Variants in SGCD observed in about 807,000 individuals in gnomAD.
The protein encoded by SGCD is delta-sarcoglycan.
Under a neutral mutation model 36.6 loss-of-function variants are expected in SGCD, and 18 were observed. That is an observed-to-expected ratio of 0.49 (90% CI 0.34 to 0.73). The LOEUF is 0.73. Among genes scored for constraint, SGCD ranks in the 30% least tolerant of loss-of-function variants. The pLI is 0.01. For missense variants in SGCD, 387 were observed against 346.7 expected (o/e 1.12, Z -0.92); for synonymous variants, 133 against 130.6 (o/e 1.02, Z -0.12).
At chr5:155,932,664 G>A (rs945625831) in intron 1 of SGCD, among the ~76,000 whole-genome samples, 16 of 152,026 alleles carry the variant, frequency 1.1e-4, no homozygotes, top group African/African-American at 3.1e-4. Context: ...TGTTTCACCC[G>A]TGTGATGAGA....
intron 1 of SGCD, among the ~76,000 whole-genome samples, chr5:156,078,809 C>G (rs1299355753): frequency 6.7e-6 from 1 of 149,762 alleles, no homozygotes; most frequent in African/African-American, 2.4e-5. Context: ...TGGAATCTAC[C>G]AATTTTATTC....
At chr5:155,768,308 A>T in the SGCD span, among the ~76,000 whole-genome samples, 1 of 150,916 alleles carries the variant, frequency 6.6e-6, no homozygotes. Flanking sequence ...TTTTTCCTAA[A>T]CTATTTTGAA....
At chr5:156,356,662 T>C (rs1769506766) in intron 3 of SGCD, among the ~76,000 whole-genome samples, 2 of 152,066 alleles carry the variant, frequency 1.3e-5, no homozygotes, top group South Asian at 2.1e-4. Context: ...TTGTAATGGA[T>C]TGAATAGTGC....
At chr5:155,968,705 G>T (rs1038479053) in intron 1 of SGCD, among the ~76,000 whole-genome samples, 1 of 152,008 alleles carries the variant, frequency 6.6e-6, no homozygotes, top group African/African-American at 2.4e-5. Context: ...CCTCAGATAA[G>T]GGGGGACTGC....
intron 2 of SGCD, among the ~76,000 whole-genome samples, chr5:156,332,619 G>A (rs1344858426): frequency 6.6e-6 from 1 of 152,182 alleles, no homozygotes; most frequent in African/African-American, 2.4e-5. Context: ...ATTAAGTTGT[G>A]GCTTCATTCT....
intron 7 of SGCD, among the ~76,000 whole-genome samples, chr5:156,664,404 C>G (rs1489272179): frequency 6.7e-6 from 1 of 149,668 alleles, no homozygotes; most frequent in East Asian, 1.9e-4. Flanking sequence ...CATCTTGGAG[C>G]CTTGCCACAA....
At chr5:156,332,901 C>T (rs1004116104) in intron 2 of SGCD, among the ~76,000 whole-genome samples, 1 of 152,196 alleles carries the variant, frequency 6.6e-6, no homozygotes, top group Non-Finnish European at 1.5e-5. Context: ...ATTTGTAAAA[C>T]TCATTGGGCT....
chr5:156,217,174 A>C, intron 3 of SGCD, among the ~76,000 whole-genome samples: 1 of 152,238 alleles, frequency 6.6e-6, no homozygotes, highest in Non-Finnish European at 1.5e-5. Flanking sequence ...AACGTGATTG[A>C]CAACAGGGTA....
intron 3 of SGCD, among the ~76,000 whole-genome samples, chr5:156,418,109 G>A (rs977216134): frequency 1.3e-5 from 2 of 152,122 alleles, no homozygotes; most frequent in African/African-American, 4.8e-5. Context: ...AAGCCCAGAA[G>A]GATGGAAAGA....
At chr5:155,949,268 G>A (rs1757504415) in intron 1 of SGCD, among the ~76,000 whole-genome samples, 1 of 152,130 alleles carries the variant, frequency 6.6e-6, no homozygotes, top group South Asian at 2.1e-4. Context: ...TTCCTGCTCA[G>A]AAAACATAGA....
intron 3 of SGCD, among the ~76,000 whole-genome samples, chr5:156,242,287 T>C (rs1346658432): frequency 1.3e-5 from 2 of 152,130 alleles, no homozygotes; most frequent in Non-Finnish European, 2.9e-5. Flanking sequence ...GTAATGCAAT[T>C]ATAGAAGCTA....
At chr5:155,858,285 C>T in the SGCD span, among the ~76,000 whole-genome samples, 1 of 151,946 alleles carries the variant, frequency 6.6e-6, no homozygotes, top group Admixed American at 6.6e-5. Context: ...TCTCTACAAG[C>T]TTGTTTGGGT....
intron 3 of SGCD, among the ~76,000 whole-genome samples, chr5:156,292,835 A>G (rs1766794100): frequency 6.6e-6 from 1 of 151,880 alleles, no homozygotes; most frequent in Non-Finnish European, 1.5e-5. Context: ...TATACTTTTC[A>G]TTTCCCCAAT....
chr5:156,144,543 GA>G (rs1478833001), intron 3 of SGCD, among the ~76,000 whole-genome samples: 1 of 152,188 alleles, frequency 6.6e-6, no homozygotes, highest in East Asian at 1.9e-4. Flanking sequence ...CTTCTTTTGA[GA>G]AGTGTCTGTT....
intron 3 of SGCD, among the ~76,000 whole-genome samples, chr5:156,205,622 T>C (rs957379813): frequency 1.3e-5 from 2 of 152,106 alleles, no homozygotes; most frequent in African/African-American, 4.8e-5. Context: ...GTCCTTGATA[T>C]CTGTAGACTA....
At chr5:156,179,157 G>A (rs570519887) in intron 3 of SGCD, among the ~76,000 whole-genome samples, 1 of 152,200 alleles carries the variant, frequency 6.6e-6, no homozygotes, top group African/African-American at 2.4e-5. Context: ...GACATTTGGG[G>A]AAGTAAGTAA....
At chr5:156,651,938 C>CAACTATGATTTGTTTCAGTTGTGTT (rs1763478516) in intron 7 of SGCD, among the ~76,000 whole-genome samples, 1 of 151,864 alleles carries the variant, frequency 6.6e-6, no homozygotes, top group Admixed American at 6.6e-5. Context: ...TTTGTTGTGT[C>CAACTATGATTTGTTTCAGTTGTGTT]AACTATGATT....
intron 1 of SGCD, among the ~76,000 whole-genome samples, chr5:155,953,632 A>G (rs969317054): frequency 1.3e-5 from 2 of 152,216 alleles, no homozygotes; most frequent in Non-Finnish European, 2.9e-5. Flanking sequence ...TACCAATTGT[A>G]TATTGCAGTT....
intron 3 of SGCD, among the ~76,000 whole-genome samples, chr5:156,414,090 C>G: frequency 6.6e-6 from 1 of 152,196 alleles, no homozygotes. Flanking sequence ...AACATGGTGT[C>G]TTGCCCATCC....
Sources: gnomAD v4.1 joint callset for allele counts (sites outside exome capture counted in the v4.1 genomes callset) on GRCh38, gnomAD v4.1.1 for gene constraint, MANE v1.5 for transcripts, NCBI Gene and HGNC (gene_info 2026-07-23, HGNC 2026-07-21) for gene names.